MOB3B: variants seen among roughly 807,000 people sequenced by gnomAD.
MOB3B encodes the protein MOB kinase activator-like 2B.
MOB3B carries 7 observed loss-of-function variants against 18.7 expected under a neutral mutation model. That is an observed-to-expected ratio of 0.37 (90% CI 0.21 to 0.70). MOB3B has a LOEUF of 0.70. MOB3B is among the 30% of genes least tolerant of loss of function. The pLI, the probability that MOB3B is intolerant of heterozygous loss-of-function variation, is 0.52. For synonymous variants in MOB3B, 111 were observed against 99.9 expected (o/e 1.11, Z -0.66); for missense variants, 253 against 281.3 (o/e 0.90, Z 0.72).
chr9:27,436,117 C>G (rs906625520), intron 2 of MOB3B, among the ~76,000 whole-genome samples: 1 of 152,166 alleles, frequency 6.6e-6, no homozygotes, highest in African/African-American at 2.4e-5. Flanking sequence ...CTTGCTGAGT[C>G]CCATTTACCC....
At chr9:27,407,974 G>C (rs1262110244) in intron 2 of MOB3B, among the ~76,000 whole-genome samples, 1 of 152,116 alleles carries the variant, frequency 6.6e-6, no homozygotes, top group East Asian at 1.9e-4. Flanking sequence ...TGCCCTAGCT[G>C]GTATCTCCAC....
intron 1 of MOB3B, among the ~76,000 whole-genome samples, chr9:27,458,789 C>T (rs544761049): frequency 3.9e-5 from 6 of 152,088 alleles, no homozygotes; most frequent in Admixed American, 3.3e-4. Flanking sequence ...CTCCTGACCT[C>T]AAGCAATCCT....
Position 27,403,516 on chromosome 9 carries a change from A to ATTTTT in MOB3B, c.419-44285_419-44281dup, listed in dbSNP as rs74178385. Among the ~76,000 whole-genome samples, 213 of 79,618 alleles carry ATTTTT rather than the reference A, an allele frequency of 2.7e-3. 7 individuals are homozygous for ATTTTT. The highest frequency in any genetic ancestry group is 3.5e-3 in the Non-Finnish European group (148 of 42,070). The allele number at this position is 79,618 out of a possible 152,430, so 52.2% of individuals were successfully genotyped here. A position where few individuals can be genotyped will look rare whatever the true frequency, so the allele number is the denominator to read the frequency against. ...TAATGCTTGGTCTGGCTCTTTACTA[A>ATTTTT]TTTTTTTTTTTTTTTTTTTTTTTTT... is the stretch of plus-strand genomic sequence containing the variant. On this transcript the variant is annotated intron_variant, in intron 2 of 3. Transcript: ENST00000262244.
intron 1 of MOB3B, among the ~76,000 whole-genome samples, chr9:27,488,885 G>C (rs1159008771): frequency 1.3e-5 from 2 of 152,166 alleles, no homozygotes; most frequent in East Asian, 3.9e-4. Context: ...GTTGTGCCAG[G>C]GCTGACAAAT....
chr9:27,472,452 A>T (rs1422102680), intron 1 of MOB3B, among the ~76,000 whole-genome samples: 1 of 152,112 alleles, frequency 6.6e-6, no homozygotes, highest in Non-Finnish European at 1.5e-5. Context: ...ACAGTACAGG[A>T]AGCCACATCC....
chr9:27,490,959 T>C (rs928788072), intron 1 of MOB3B, among the ~76,000 whole-genome samples: 2 of 135,240 alleles, frequency 1.5e-5, no homozygotes, highest in African/African-American at 5.3e-5. Flanking sequence ...ATCAAAGCCC[T>C]AGATAGCACA....
In MOB3B at chr9:27,327,045, G is replaced by A. The variant is rs1346956287; in HGVS notation, c.*3542C>T. 6.5e-6 allele frequency: 1 copy of A among 152,720 alleles called. No individual in the cohort carries two copies. The highest frequency in any genetic ancestry group is 1.5e-5 in the Non-Finnish European group (1 of 68,438). The allele number at this position is 152,720 out of a possible 1,614,324, so 9.5% of individuals were successfully genotyped here. ...TGAATATTTCACCTCTGGCTACAGG[G>A]AGCATACAAATCCTCACTTGCCCAT... On this transcript the variant is annotated 3_prime_UTR_variant, in exon 4 of 4. Transcript: ENST00000262244.
At chr9:27,451,132 A>G (rs976796409) in intron 2 of MOB3B, among the ~76,000 whole-genome samples, 2 of 152,216 alleles carry the variant, frequency 1.3e-5, no homozygotes, top group African/African-American at 4.8e-5. Flanking sequence ...ATTAAATCCT[A>G]TTATATAACA....
At chr9:27,454,433 T>C (rs1822838861) in intron 2 of MOB3B, among the ~76,000 whole-genome samples, 1 of 152,244 alleles carries the variant, frequency 6.6e-6, no homozygotes, top group African/African-American at 2.4e-5. Flanking sequence ...CACTAAATTC[T>C]AAATTCAGTC....
At chr9:27,341,068 C>T (rs1442291104) in intron 3 of MOB3B, among the ~76,000 whole-genome samples, 4 of 152,164 alleles carry the variant, frequency 2.6e-5, no homozygotes, top group African/African-American at 9.7e-5. Context: ...TGCGGGAGGG[C>T]AGGGGAAGGA....
At chr9:27,378,460 A>G (rs1821523218) in intron 2 of MOB3B, 1 of 471,200 alleles carries the variant, frequency 2.1e-6, no homozygotes, top group African/African-American at 2.0e-5. Context: ...GGCCAGAATG[A>G]TTACATTCAC....
At position 27,472,972 on chromosome 9, in the gene MOB3B, G is replaced by A. The variant is rs551025257; in HGVS notation, c.-198-17224C>T. ...CTCAAATGCACGTCTTTACATAACT[G>A]ATCAAGATACAAACCATTTGCAAAC... On this transcript the variant is annotated intron_variant, in intron 1 of 3. Coordinates refer to ENST00000262244, the MANE Select transcript of MOB3B (RefSeq NM_024761.5). Among the ~76,000 whole-genome samples, 93 of 152,322 alleles carry A rather than the reference G, an allele frequency of 6.1e-4. 4 individuals carry two copies. The South Asian group carries it at 0.019, about 31-fold the overall frequency.
At chr9:27,514,184 A>G (rs1482913508) in intron 1 of MOB3B, among the ~76,000 whole-genome samples, 1 of 152,154 alleles carries the variant, frequency 6.6e-6, no homozygotes, top group Non-Finnish European at 1.5e-5. Flanking sequence ...ATACTCAATT[A>G]TGCAAAATTG....
intron 1 of MOB3B, among the ~76,000 whole-genome samples, chr9:27,484,343 G>A (rs1179066719): frequency 6.6e-6 from 1 of 152,154 alleles, no homozygotes; most frequent in South Asian, 2.1e-4. Context: ...TGCCATGTAG[G>A]GGGTTGAGAA....
rs1170974836 is a variant in MOB3B, at chr9:27,325,339, G to C, written c.*5248C>G. ...TTGTTAGTTTTCCTTATAGTCAAAT[G>C]CTTAATACAATCATAAATGGAACCA... On this transcript the variant is annotated 3_prime_UTR_variant, in exon 4 of 4. Transcript: ENST00000262244. 1 of 152,020 alleles carries C rather than the reference G, an allele frequency of 6.6e-6. No individual in the cohort carries two copies. The highest frequency in any genetic ancestry group is 1.9e-4 in the East Asian group (1 of 5,198). The allele number at this position is 152,020 out of a possible 1,614,324, so 9.4% of individuals were successfully genotyped here. A position where few individuals can be genotyped will look rare whatever the true frequency, so the allele number is the denominator to read the frequency against.
chr9:27,394,728 G>C (rs1381649539), intron 2 of MOB3B, among the ~76,000 whole-genome samples: 1 of 152,062 alleles, frequency 6.6e-6, no homozygotes, highest in East Asian at 1.9e-4. Context: ...ATTAACTTTA[G>C]ATTAACCACA....
intron 2 of MOB3B, among the ~76,000 whole-genome samples, chr9:27,374,174 A>G (rs542735245): frequency 4.6e-5 from 7 of 151,694 alleles, no homozygotes; most frequent in Non-Finnish European, 8.8e-5. Flanking sequence ...CAATTCATGA[A>G]TAATTCTTTG....
chr9:27,507,191 A>T (rs936099679), intron 1 of MOB3B, among the ~76,000 whole-genome samples: 1 of 152,182 alleles, frequency 6.6e-6, no homozygotes, highest in African/African-American at 2.4e-5. Flanking sequence ...AGAAGCTTCC[A>T]TATGATGAGA....
chr9:27,490,125 G>A (rs984452000), intron 1 of MOB3B, among the ~76,000 whole-genome samples: 11 of 152,118 alleles, frequency 7.2e-5, no homozygotes, highest in Non-Finnish European at 1.5e-5. Context: ...CGAGCTCTCT[G>A]TAAAAACATA....
Sources: gnomAD v4.1 joint callset for allele counts (sites outside exome capture counted in the v4.1 genomes callset) on GRCh38, gnomAD v4.1.1 for gene constraint, MANE v1.5 for transcripts, NCBI Gene and HGNC (gene_info 2026-07-23, HGNC 2026-07-21) for gene names.